Variants in TUBGCP4 observed in about 807,000 individuals in gnomAD.
The protein encoded by TUBGCP4 is tubulin gamma complex component 4.
In TUBGCP4, 54 loss-of-function variants were observed where a neutral mutation model predicts 91.6. The ratio of observed to expected loss-of-function variants is 0.59; its 90% CI spans 0.47 to 0.74. TUBGCP4 has a LOEUF of 0.74. TUBGCP4 is among the 30% of genes least tolerant of loss of function. The pLI is 0.00. For synonymous variants in TUBGCP4, 297 were observed against 302.8 expected (o/e 0.98, Z 0.20); for missense variants, 593 against 800.9 (o/e 0.74, Z 3.13).
chr15:43,386,501 G>T (rs372688905), intron 9 of TUBGCP4, among the ~76,000 whole-genome samples, 171 bp downstream of exon 9: 10 of 146,388 alleles, frequency 6.8e-5, no homozygotes, highest in African/African-American at 2.5e-4. Flanking sequence ...AAGGCAAGTG[G>T]ATCATCTGAG....
chr15:43,383,175 A>G, intron 6 of TUBGCP4, 128 bp from the exon 7 acceptor site: 2 of 723,582 alleles, frequency 2.8e-6, no homozygotes, highest in Non-Finnish European at 4.2e-6. Context: ...CATTTAAATT[A>G]AAATAGCACA....
intron 1 of TUBGCP4, among the ~76,000 whole-genome samples, chr15:43,371,861 C>A (rs1254864157): frequency 6.6e-6 from 1 of 152,122 alleles, no homozygotes; most frequent in Non-Finnish European, 1.5e-5. Flanking sequence ...AAATCGAGAG[C>A]GTGTGGTGTT....
intron 6 of TUBGCP4, among the ~76,000 whole-genome samples, chr15:43,380,912 A>G (rs1429695959): frequency 6.6e-6 from 1 of 152,210 alleles, no homozygotes; most frequent in Admixed American, 6.5e-5. Flanking sequence ...ATTCATTGAA[A>G]AATTATAATA....
chr15:43,373,817 T>A (rs950825234), intron 1 of TUBGCP4, among the ~76,000 whole-genome samples: 13 of 151,938 alleles, frequency 8.6e-5, no homozygotes, highest in Admixed American at 6.6e-4. Context: ...CCCGGCTAAT[T>A]TTTTTGTAGT....
At chr15:43,394,147 A>C (rs1446597366) in intron 9 of TUBGCP4, 8 of 150,040 alleles carry the variant, frequency 5.3e-5, no homozygotes, top group African/African-American at 2.0e-4. Flanking sequence ...GCAGTGGTGC[A>C]ATCTCGGCTC....
intron 17 of TUBGCP4, 90 bp downstream of exon 17, chr15:43,404,642 C>T (rs772271608): frequency 1.2e-5 from 17 of 1,362,206 alleles, no homozygotes; most frequent in Non-Finnish European, 1.5e-5. Flanking sequence ...AGACTTTAGT[C>T]CAAATACCCT....
At chr15:43,385,434 C>A (rs2044340943) in intron 7 of TUBGCP4, 1 of 462,896 alleles carries the variant, frequency 2.2e-6, no homozygotes, top group Non-Finnish European at 4.3e-6. Context: ...GGGACAGTGC[C>A]CTGAGGAGCA....
intron 5 of TUBGCP4, 79 bp from the exon 6 acceptor site, chr15:43,380,005 G>A (rs2044264011): frequency 7.2e-7 from 1 of 1,387,616 alleles, no homozygotes; most frequent in Non-Finnish European, 1.0e-6. Flanking sequence ...GTGCCCTCTT[G>A]GTTGAATATG....
Position 43,379,962 on chromosome 15 carries a change from A to G in TUBGCP4, c.442-122A>G. 4 of 907,842 alleles carry G rather than the reference A, an allele frequency of 4.4e-6. No individual in the cohort carries two copies. In the South Asian group the frequency reaches 5.7e-5, roughly 13 times the overall value. 56.2% of individuals were successfully genotyped at this position (907,842 alleles called of 1,614,324 possible). A position where few individuals can be genotyped will look rare whatever the true frequency, so the allele number is the denominator to read the frequency against. On this transcript the variant is annotated intron_variant, in intron 5 of 17. Coordinates refer to ENST00000564079, the MANE Select transcript of TUBGCP4 (RefSeq NM_014444.5). ...TTGAGAACCACTATGTGTAAATCTT[A>G]GGAGAAAGTTTATCCCCAGTCTCTC...
chr15:43,397,171 T>C (rs770226350), intron 11 of TUBGCP4, 43 bp from the exon 12 acceptor site: 5 of 1,485,214 alleles, frequency 3.4e-6, no homozygotes, highest in East Asian at 4.5e-5. Flanking sequence ...GGGTTTGTTA[T>C]GTAGCCAAGC....
At position 43,403,803 on chromosome 15, in the gene TUBGCP4, C is replaced by A; in HGVS notation, c.1848+4C>A. 6.2e-7 allele frequency: 1 copy of A among 1,607,522 alleles called. No individual in the cohort carries two copies. Among genetic ancestry groups the A allele is most frequent in the Non-Finnish European group, 8.5e-7 (1 of 1,174,168 alleles). On this transcript the variant is annotated splice_donor_region_variant and intron_variant, in intron 16 of 17. Coordinates refer to ENST00000564079, the MANE Select transcript of TUBGCP4 (RefSeq NM_014444.5). Reference sequence around the variant, plus strand: ...CCAGCTGAGCATTCTCGTGAAGGTGCGTCTGCCTGGAAGTATGCAGCCTTG... The same window carrying A: ...CCAGCTGAGCATTCTCGTGAAGGTGAGTCTGCCTGGAAGTATGCAGCCTTG...
chr15:43,401,013 T>G (rs1461915516), intron 14 of TUBGCP4, among the ~76,000 whole-genome samples: 1 of 152,274 alleles, frequency 6.6e-6, no homozygotes, highest in East Asian at 1.9e-4. Context: ...ACCAGCCTCT[T>G]AAAGGCATTT....
In TUBGCP4 at chr15:43,376,215, G is replaced by A; in HGVS notation, c.196G>A (p.Val66Met). ...GTTCATTGAACAGTACACGGGCCATGTGCAACAGCAGGTGGGTCCTGTTCT... is the reference window on the plus strand; with the variant it reads ...GTTCATTGAACAGTACACGGGCCATATGCAACAGCAGGTGGGTCCTGTTCT... ...TEFIEQYTGH[V>M]QQQDHHPSQQ... Residue 66 changes from valine to methionine, a missense_variant, in exon 2 of 18, where the codon GTG becomes ATG. Physicochemically the swap from Val to Met is conservative, Grantham distance 21. Transcript: ENST00000564079. 1.2e-6 allele frequency: 2 copies of A among 1,613,586 alleles called. No individual in the cohort carries two copies. Among genetic ancestry groups the A allele is most frequent in the Non-Finnish European group, 1.7e-6 (2 of 1,179,964 alleles).
At position 43,372,084 on chromosome 15, in the gene TUBGCP4, C is replaced by T. The variant is rs377602298; in HGVS notation, c.78+652C>T. Among the ~76,000 whole-genome samples the T allele has an allele frequency of 1.9e-3, 294 of 152,218 alleles. 2 individuals are homozygous for T. The highest frequency in any genetic ancestry group is 6.6e-3 in the African/African-American group (273 of 41,518). On this transcript the variant is annotated intron_variant, in intron 1 of 17. Coordinates refer to ENST00000564079, the MANE Select transcript of TUBGCP4 (RefSeq NM_014444.5). ...AATTAACAGAGCTTAGTTTTGAAGC[C>T]AGGTCTGTCTGGCTTCAGTATTTGA...
rs779140167 is a variant in TUBGCP4 at position 43,383,405 on chromosome 15, G to C, written c.624G>C (p.Gly208=). Residue 208 remains glycine, a synonymous_variant, in exon 7 of 18, where the codon GGG becomes GGC. Transcript: ENST00000564079. ...ATGAAGAATTCTTTATCAAACAGGG[G>C]CCATCTTCTGGTAATGTCAGTGCCC... ...DQHEEFFIKQ[G]PSSGNVSAQP... 6.2e-7 allele frequency: 1 copy of C among 1,614,168 alleles called. No homozygotes were observed. Among genetic ancestry groups the C allele is most frequent in the South Asian group, 1.1e-5 (1 of 91,078 alleles).
At chr15:43,380,220 CTTCT>C in intron 6 of TUBGCP4, 57 bp downstream of exon 6, 3 of 1,427,214 alleles carry the variant, frequency 2.1e-6, no homozygotes, top group Non-Finnish European at 3.0e-6. Flanking sequence ...AATTATTTGA[CTTCT>C]CACATGTTTT....
At chr15:43,387,926 A>C (rs919897249) in intron 9 of TUBGCP4, among the ~76,000 whole-genome samples, 1 of 151,890 alleles carries the variant, frequency 6.6e-6, no homozygotes, top group Non-Finnish European at 1.5e-5. Context: ...GCGGCTCACT[A>C]CAAACTCCGC....
At chr15:43,385,722 C>T in intron 7 of TUBGCP4, 69 bp from the exon 8 acceptor site, 3 of 1,517,208 alleles carry the variant, frequency 2.0e-6, no homozygotes, top group Non-Finnish European at 1.8e-6. Flanking sequence ...GGGAGAGTTA[C>T]TAGGTATTTT....
chr15:43,400,602 G>A (rs2044659291), intron 14 of TUBGCP4, among the ~76,000 whole-genome samples: 1 of 151,924 alleles, frequency 6.6e-6, no homozygotes, highest in African/African-American at 2.4e-5. Flanking sequence ...TTCTCACTTT[G>A]TTGCCCAGGC....
Sources: gnomAD v4.1 joint callset for allele counts (sites outside exome capture counted in the v4.1 genomes callset) on GRCh38, gnomAD v4.1.1 for gene constraint, MANE v1.5 for transcripts, NCBI Gene and HGNC (gene_info 2026-07-23, HGNC 2026-07-21) for gene names.